WWTR1: variants seen among roughly 807,000 people sequenced by gnomAD.
WWTR1 encodes the protein WW domain-containing transcription regulator protein 1.
Under a neutral mutation model 40.1 loss-of-function variants are expected in WWTR1, and 13 were observed. The ratio of observed to expected loss-of-function variants is 0.32; its 90% confidence interval spans 0.21 to 0.52. WWTR1 has a LOEUF of 0.52. WWTR1 is among the 20% of genes least tolerant of loss of function. The pLI, the probability that WWTR1 is intolerant of heterozygous loss-of-function variation, is 0.97. For missense variants in WWTR1, 436 were observed against 523.1 expected, an observed-to-expected ratio of 0.83 and a Z score of 1.63; for synonymous variants, 230 against 210.1, an observed-to-expected ratio of 1.09 and a Z score of -0.82.
chr3:149,541,374 C>T (rs533851488), intron 4 of WWTR1, among the ~76,000 whole-genome samples: 7 of 152,292 alleles, frequency 4.6e-5, no homozygotes, highest in South Asian at 2.1e-4. Flanking sequence ...AGAGGGCACA[C>T]GGCAACACAC....
chr3:149,594,696 T>C (rs1238711364), intron 2 of WWTR1, among the ~76,000 whole-genome samples: 1 of 151,510 alleles, frequency 6.6e-6, no homozygotes, highest in Non-Finnish European at 1.5e-5. Flanking sequence ...GATTGGATCC[T>C]GCACTGGGGA....
chr3:149,522,768 G>A (rs1316566973), intron 6 of WWTR1, among the ~76,000 whole-genome samples: 1 of 152,092 alleles, frequency 6.6e-6, no homozygotes, highest in African/African-American at 2.4e-5. Flanking sequence ...CGGGTGTGGT[G>A]GCTCATGCCT....
At chr3:149,523,009 T>A (rs1301893471) in intron 6 of WWTR1, among the ~76,000 whole-genome samples, 1 of 150,096 alleles carries the variant, frequency 6.7e-6, no homozygotes, top group African/African-American at 2.5e-5. Flanking sequence ...GAGGTTGCAA[T>A]GAGCTGAGAT....
At chr3:149,559,036 G>A (rs930400256) in intron 3 of WWTR1, among the ~76,000 whole-genome samples, 1 of 152,174 alleles carries the variant, frequency 6.6e-6, no homozygotes, top group East Asian at 1.9e-4. Context: ...GCTCACGCCT[G>A]TATTCCCAGC....
chr3:149,682,959 G>A (rs943239249), intron 1 of WWTR1, among the ~76,000 whole-genome samples: 2 of 152,142 alleles, frequency 1.3e-5, no homozygotes, highest in Non-Finnish European at 2.9e-5. Context: ...ATGGACCCTG[G>A]GGGATGTGCA....
intron 2 of WWTR1, among the ~76,000 whole-genome samples, chr3:149,593,655 A>G (rs1222307749): frequency 6.6e-6 from 1 of 152,178 alleles, no homozygotes; most frequent in East Asian, 1.9e-4. Flanking sequence ...GACTTATACA[A>G]ATGGAAACAA....
intron 5 of WWTR1, 55 bp downstream of exon 5, chr3:149,527,781 T>C (rs1735390266): frequency 6.2e-7 from 1 of 1,605,936 alleles, no homozygotes; most frequent in Non-Finnish European, 8.5e-7. Flanking sequence ...CCTATTATAG[T>C]CTAGATCACA....
chr3:149,623,585 T>C (rs1262765222), intron 2 of WWTR1, among the ~76,000 whole-genome samples: 2 of 152,216 alleles, frequency 1.3e-5, no homozygotes, highest in African/African-American at 2.4e-5. Context: ...ATTAATCCAT[T>C]TTTTGTCCAT....
At chr3:149,595,301 A>T (rs1398671449) in intron 2 of WWTR1, among the ~76,000 whole-genome samples, 1 of 152,004 alleles carries the variant, frequency 6.6e-6, no homozygotes, top group Non-Finnish European at 1.5e-5. Context: ...CAATTGCTGA[A>T]CCTAGATAAA....
intron 2 of WWTR1, among the ~76,000 whole-genome samples, chr3:149,626,481 A>G (rs556960814): frequency 6.6e-6 from 1 of 152,096 alleles, no homozygotes. Flanking sequence ...GAATGTTTGC[A>G]TTCAAGTATA....
chr3:149,616,305 A>G (rs1313871309), intron 2 of WWTR1, among the ~76,000 whole-genome samples: 1 of 152,162 alleles, frequency 6.6e-6, no homozygotes, highest in Non-Finnish European at 1.5e-5. Flanking sequence ...TCTGCCTATG[A>G]AAATTTGACC....
chr3:149,572,063 C>G (rs1011039871), intron 3 of WWTR1, among the ~76,000 whole-genome samples: 19 of 152,144 alleles, frequency 1.2e-4, no homozygotes, highest in African/African-American at 4.3e-4. Context: ...TATCCCACGG[C>G]AGGTATGGGG....
chr3:149,655,755 T>G (rs1217384267), intron 2 of WWTR1, among the ~76,000 whole-genome samples: 1 of 152,240 alleles, frequency 6.6e-6, no homozygotes, highest in Non-Finnish European at 1.5e-5. Flanking sequence ...TCCATCACTG[T>G]GTATTCATTC....
chr3:149,663,326 A>G (rs1383404738), intron 2 of WWTR1, among the ~76,000 whole-genome samples: 1 of 119,744 alleles, frequency 8.4e-6, no homozygotes, highest in Non-Finnish European at 1.8e-5. Flanking sequence ...CATATATTGT[A>G]TTGTAAAATT....
At position 149,543,580 on chromosome 3, in the gene WWTR1, C is replaced by CAAAAAAAAAAAAAAAA. The variant is rs755442408; in HGVS notation, c.569-1059_569-1044dup. Among the ~76,000 whole-genome samples, 290 of 31,214 alleles carry CAAAAAAAAAAAAAAAA rather than the reference C, an allele frequency of 9.3e-3. 44 individuals are homozygous for CAAAAAAAAAAAAAAAA. Among genetic ancestry groups the CAAAAAAAAAAAAAAAA allele is most frequent in the Middle Eastern group, 0.038 (1 of 26 alleles). 20.5% of individuals were successfully genotyped at this position (31,214 alleles called of 152,430 possible). A position where few individuals can be genotyped will look rare whatever the true frequency, so the allele number is the denominator to read the frequency against. ...CTGGTGACAAAGAAAGACTCTGTCTCAAAAAAAAAAAAAAAAAAAAAAAGA... is the reference window on the plus strand; with the variant it reads ...CTGGTGACAAAGAAAGACTCTGTCTCAAAAAAAAAAAAAAAAAAAAAAAAAAAAAAAAAAAAAAAGA... On this transcript the variant is annotated intron_variant, in intron 3 of 6. Coordinates refer to ENST00000360632, the MANE Select transcript of WWTR1 (RefSeq NM_015472.6).
intron 6 of WWTR1, among the ~76,000 whole-genome samples, chr3:149,524,547 G>T (rs1735203156): frequency 6.6e-6 from 1 of 152,070 alleles, no homozygotes; most frequent in South Asian, 2.1e-4. Flanking sequence ...GCAGGGGGTG[G>T]TGGTGGGGGA....
At chr3:149,585,688 A>T (rs1738389846) in intron 2 of WWTR1, among the ~76,000 whole-genome samples, 1 of 152,212 alleles carries the variant, frequency 6.6e-6, no homozygotes, top group Non-Finnish European at 1.5e-5. Context: ...ATGTCAGCAC[A>T]AGATTTTCTC....
At chr3:149,696,077 C>A in intron 1 of WWTR1, among the ~76,000 whole-genome samples, 1 of 132,820 alleles carries the variant, frequency 7.5e-6, no homozygotes, top group South Asian at 2.4e-4. Context: ...CACGCCACTG[C>A]ACTCCAGCCT....
chr3:149,568,523 C>CAAAAAAAAAAAAAAAAAAAAAAAAAAA (rs34414853), intron 3 of WWTR1, among the ~76,000 whole-genome samples: 1 of 64,816 alleles, frequency 1.5e-5, no homozygotes, highest in Non-Finnish European at 3.2e-5. Flanking sequence ...AATTAAAGTG[C>CAAAAAAAAAAAAAAAAAAAAAAAAAAA]AAAAAAAAAA....
Sources: gnomAD v4.1 joint callset for allele counts (sites outside exome capture counted in the v4.1 genomes callset) on GRCh38, gnomAD v4.1.1 for gene constraint, MANE v1.5 for transcripts, NCBI Gene and HGNC (gene_info 2026-07-23, HGNC 2026-07-21) for gene names.